The following CTNND2 variants were observed in gnomAD, a reference collection of about 807,000 sequenced individuals.
CTNND2 encodes catenin delta-2.
CTNND2 carries 22 observed loss-of-function variants against 144.4 expected under a neutral mutation model. The observed-to-expected ratio is 0.15, with a 90% CI of 0.11 to 0.22. The LOEUF is 0.22. Ranked by LOEUF, CTNND2 falls within the 10% of genes least tolerant of loss-of-function variation. The pLI, the probability that CTNND2 is intolerant of heterozygous loss-of-function variation, is 1.00. For synonymous variants in CTNND2, 751 were observed against 695.6 expected, an observed-to-expected ratio of 1.08 and a Z score of -1.25; for missense variants, 1,353 against 1,618.8, an observed-to-expected ratio of 0.84 and a Z score of 2.82.
At chr5:11,496,913 GA>G (rs1394321021) in intron 3 of CTNND2, among the ~76,000 whole-genome samples, 2 of 152,170 alleles carry the variant, frequency 1.3e-5, no homozygotes, top group Non-Finnish European at 2.9e-5. Context: ...CCTGGGAGAA[GA>G]AAGAGAGCCA....
intron 10 of CTNND2, among the ~76,000 whole-genome samples, chr5:11,230,778 A>C (rs1394684309): frequency 6.6e-6 from 1 of 152,182 alleles, no homozygotes; most frequent in Non-Finnish European, 1.5e-5. Flanking sequence ...ATGTGACTAC[A>C]CTTCTATCTC....
chr5:11,792,977 T>C (rs1791215898), intron 1 of CTNND2, among the ~76,000 whole-genome samples: 1 of 152,216 alleles, frequency 6.6e-6, no homozygotes, highest in African/African-American at 2.4e-5. Context: ...ATACATATCA[T>C]GATTTCCCAG....
At chr5:10,985,113 CATAA>C (rs1737779196) in intron 20 of CTNND2, among the ~76,000 whole-genome samples, 1 of 139,470 alleles carries the variant, frequency 7.2e-6, no homozygotes, top group Non-Finnish European at 1.6e-5. Context: ...TAAATAAATA[CATAA>C]ATAAATGGCA....
intron 1 of CTNND2, among the ~76,000 whole-genome samples, chr5:11,887,169 G>A (rs1365403454): frequency 6.6e-6 from 1 of 151,802 alleles, no homozygotes; most frequent in Non-Finnish European, 1.5e-5. Context: ...ATTTTTAGAA[G>A]AGATGGGGTT....
intron 2 of CTNND2, among the ~76,000 whole-genome samples, chr5:11,649,297 GA>G (rs1345781735): frequency 6.6e-6 from 1 of 152,072 alleles, no homozygotes; most frequent in Non-Finnish European, 1.5e-5. Flanking sequence ...TTTCATTAAA[GA>G]AACAAACTTA....
At chr5:11,732,796 C>T (rs1168501255) in intron 1 of CTNND2, among the ~76,000 whole-genome samples, 1 of 152,080 alleles carries the variant, frequency 6.6e-6, no homozygotes, top group Non-Finnish European at 1.5e-5. Flanking sequence ...TCTCTCTGAC[C>T]TTCCCCTGCC....
At chr5:11,298,264 G>T (rs1321813618) in intron 9 of CTNND2, among the ~76,000 whole-genome samples, 2 of 152,136 alleles carry the variant, frequency 1.3e-5, no homozygotes, top group East Asian at 3.9e-4. Context: ...TCAGACTCCA[G>T]GGTTCAAGTG....
chr5:11,490,138 C>G (rs905474051), intron 3 of CTNND2, among the ~76,000 whole-genome samples: 16 of 152,150 alleles, frequency 1.1e-4, no homozygotes, highest in Non-Finnish European at 2.2e-4. Context: ...TGGCTTTTTG[C>G]TACACAGAGC....
intron 3 of CTNND2, among the ~76,000 whole-genome samples, chr5:11,461,087 G>C (rs574081521): frequency 1.3e-4 from 19 of 151,550 alleles, no homozygotes; most frequent in Non-Finnish European, 2.5e-4. Flanking sequence ...CGCTAGTCCT[G>C]CTTCATTGTT....
At chr5:11,301,513 C>A (rs773792415) in intron 9 of CTNND2, among the ~76,000 whole-genome samples, 1 of 152,164 alleles carries the variant, frequency 6.6e-6, no homozygotes, top group Non-Finnish European at 1.5e-5. Context: ...ACACATAGTG[C>A]GTTTTTGGAG....
intron 11 of CTNND2, among the ~76,000 whole-genome samples, chr5:11,175,638 TTTA>T (rs1462067438): frequency 5.4e-4 from 14 of 26,148 alleles, no homozygotes; most frequent in Admixed American, 1.4e-3. Context: ...TTTTTATTTA[TTTA>T]TTTTTTTTGC....
At chr5:11,066,193 C>T (rs935429839) in intron 16 of CTNND2, among the ~76,000 whole-genome samples, 1 of 152,156 alleles carries the variant, frequency 6.6e-6, no homozygotes, top group Non-Finnish European at 1.5e-5. Context: ...GTGCACGCCA[C>T]CATACCCAGA....
intron 3 of CTNND2, among the ~76,000 whole-genome samples, chr5:11,432,233 G>C (rs1432860848): frequency 1.0e-4 from 15 of 144,616 alleles, no homozygotes; most frequent in Non-Finnish European, 1.9e-4. Flanking sequence ...TGGCAACACA[G>C]AAAGTGTTGC....
intron 3 of CTNND2, among the ~76,000 whole-genome samples, chr5:11,520,167 G>T (rs1259547014): frequency 1.4e-5 from 2 of 142,548 alleles, no homozygotes; most frequent in South Asian, 4.6e-4. Context: ...AAAAAAAAAA[G>T]AAAGAAAATA....
chr5:11,624,345 T>C (rs984915279), intron 2 of CTNND2, among the ~76,000 whole-genome samples: 2 of 152,146 alleles, frequency 1.3e-5, no homozygotes, highest in Non-Finnish European at 2.9e-5. Flanking sequence ...AGAAATAGTT[T>C]ACATCAATTG....
At chr5:11,860,131 G>A (rs576123460) in intron 1 of CTNND2, among the ~76,000 whole-genome samples, 4 of 152,234 alleles carry the variant, frequency 2.6e-5, no homozygotes, top group Non-Finnish European at 2.9e-5. Context: ...TTAAACATGT[G>A]AAAACTTGAC....
intron 3 of CTNND2, among the ~76,000 whole-genome samples, chr5:11,480,313 T>A (rs1768124396): frequency 6.6e-6 from 1 of 152,194 alleles, no homozygotes; most frequent in South Asian, 2.1e-4. Flanking sequence ...TTTGAACTTT[T>A]AATTCACCAA....
chr5:11,787,739 C>A (rs1790909632), intron 1 of CTNND2, among the ~76,000 whole-genome samples: 1 of 152,068 alleles, frequency 6.6e-6, no homozygotes, highest in Non-Finnish European at 1.5e-5. Flanking sequence ...TGCATCCATG[C>A]CTGAACAATA....
intron 9 of CTNND2, among the ~76,000 whole-genome samples, chr5:11,326,732 G>C (rs1332112532): frequency 2.0e-5 from 3 of 152,136 alleles, no homozygotes; most frequent in Non-Finnish European, 4.4e-5. Context: ...AAATGGGAAG[G>C]CCTTTTTCAA....
Sources: allele counts gnomAD v4.1 joint callset (sites outside exome capture counted in the v4.1 genomes callset), GRCh38; gene constraint gnomAD v4.1.1; transcripts MANE v1.5; gene names NCBI Gene and HGNC (gene_info 2026-07-23, HGNC 2026-07-21).